The following PIPOX variants were observed in gnomAD, a reference collection of about 807,000 sequenced individuals.
PIPOX encodes the protein peroxisomal sarcosine oxidase.
In PIPOX, 45 loss-of-function variants were observed where a neutral mutation model predicts 47.9. The ratio of observed to expected loss-of-function variants is 0.94; its 90% CI spans 0.74 to 1.20. The LOEUF (loss-of-function observed/expected upper bound fraction) is 1.20, where lower values mean the gene tolerates loss of function less well. PIPOX is among the 50% of genes most tolerant of loss of function. The pLI, the probability that PIPOX is intolerant of heterozygous loss-of-function variation, is 0.00. For missense variants in PIPOX, 458 were observed against 498.4 expected (o/e 0.92, Z 0.77); for synonymous variants, 165 against 191.3 (o/e 0.86, Z 1.13).
chr17:29,053,255 C>G, intron 3 of PIPOX, 122 bp downstream of exon 3: 1 of 1,234,040 alleles, frequency 8.1e-7, no homozygotes, highest in Non-Finnish European at 1.2e-6. Context: ...TTAGTCTTGA[C>G]TTTTCCAGCA....
At position 29,056,490 on chromosome 17, in the gene PIPOX, C is replaced by T; in HGVS notation, c.*185C>T. 1 of 656,268 alleles carries T rather than the reference C, an allele frequency of 1.5e-6. No homozygotes were observed. The highest frequency in any genetic ancestry group is 2.6e-6 in the Non-Finnish European group (1 of 388,368). 40.7% of individuals were successfully genotyped at this position (656,268 alleles called of 1,614,324 possible). A position where few individuals can be genotyped will look rare whatever the true frequency, so the allele number is the denominator to read the frequency against. On this transcript the variant is annotated 3_prime_UTR_variant, in exon 8 of 8. Transcript: ENST00000323372. ...CCCGCTCCCTTTTTCTTCTGCCTCACTTGAATCCCCCGTAAACACCAGACG... is the reference window on the plus strand; with the variant it reads ...CCCGCTCCCTTTTTCTTCTGCCTCATTTGAATCCCCCGTAAACACCAGACG...
At chr17:29,046,832 A>C in intron 2 of PIPOX, 2 of 882,632 alleles carry the variant, frequency 2.3e-6, no homozygotes, top group East Asian at 1.2e-4. Flanking sequence ...GTTTGGAACG[A>C]GCTGTTGAAC....
At position 29,043,262 on chromosome 17, in the gene PIPOX, A is replaced by T; in HGVS notation, c.37A>T (p.Ile13Phe). ...GAAAGATCTCTGGGACGCCATTGTG[A>T]TTGGGGCGGGGATCCAGGGCTGCTT... ...AQKDLWDAIV[I>F]GAGIQGCFTA... Residue 13 changes from isoleucine to phenylalanine, a missense_variant, in exon 1 of 8, where the codon ATT becomes TTT. By Grantham distance (21) the Ile-to-Phe change is conservative (BLOSUM62 0). Coordinates refer to ENST00000323372, the MANE Select transcript of PIPOX (RefSeq NM_016518.3). The T allele has an allele frequency of 6.2e-7, 1 of 1,613,456 alleles. No homozygotes were observed. Among genetic ancestry groups the T allele is most frequent in the East Asian group, 2.2e-5 (1 of 44,846 alleles).
At position 29,043,183 on chromosome 17, in the gene PIPOX, C is replaced by T. The variant is rs1296327253; in HGVS notation, c.-43C>T. 2.0e-6 allele frequency: 3 copies of T among 1,483,528 alleles called. No homozygotes were observed. The highest frequency in any genetic ancestry group is 2.8e-6 in the Non-Finnish European group (3 of 1,067,946). 91.9% of individuals were successfully genotyped at this position (1,483,528 alleles called of 1,614,324 possible). A position where few individuals can be genotyped will look rare whatever the true frequency, so the allele number is the denominator to read the frequency against. On this transcript the variant is annotated 5_prime_UTR_variant, in exon 1 of 8. Transcript: ENST00000323372. The stretch of plus-strand genomic sequence containing the variant: ...TTAGCCGGGAGCCTGTCTTTGCTTG[C>T]CTTTGCCTTTGAGGCTCTGTGGCTG...
intron 2 of PIPOX, among the ~76,000 whole-genome samples, chr17:29,047,905 G>A (rs1347251779): frequency 1.3e-5 from 2 of 152,136 alleles, no homozygotes; most frequent in African/African-American, 4.8e-5. Flanking sequence ...TTTAAAGACA[G>A]GGAAATATCA....
chr17:29,053,112 T>A lies in PIPOX; in HGVS notation c.456T>A (p.Tyr152Ter), dbSNP rs1157841091. ...ATTCCGGAGGAGTTATCTATGCATA[T>A]AAGGCCCTCAGAGCCCTGCAGGTAA... The part of the protein sequence containing the change: ...LDNSGGVIYA[Y>*]KALRALQDAI... The change falls in exon 3 of 8, where the codon TAT becomes TAA. Residue 152 changes from tyrosine to a stop codon, truncating the protein, a stop_gained. Coordinates refer to ENST00000323372, the MANE Select transcript of PIPOX (RefSeq NM_016518.3). LOFTEE classifies it high-confidence loss of function. 1 of 1,614,108 alleles carries A rather than the reference T, an allele frequency of 6.2e-7. No individual in the cohort carries two copies. Among genetic ancestry groups the A allele is most frequent in the Admixed American group, 1.7e-5 (1 of 60,024 alleles).
At position 29,052,946 on chromosome 17, in the gene PIPOX, T is replaced by C; in HGVS notation, c.290T>C (p.Met97Thr). The C allele has an allele frequency of 3.7e-6, 6 of 1,614,160 alleles. No individual in the cohort carries two copies. The highest frequency in any genetic ancestry group is 3.4e-6 in the Non-Finnish European group (4 of 1,180,028). Residue 97 changes from methionine to threonine, a missense_variant, in exon 3 of 8, where the codon ATG becomes ACG. By Grantham distance (81) the Met-to-Thr change is moderately conservative (BLOSUM62 -1). Transcript: ENST00000323372. ...CAGACTGGATTACTGCTGCTGGGAA[T>C]GAAAGAGAATCAAGAATTAAAGACA... ...HRQTGLLLLG[M>T]KENQELKTIQ...
rs141823270 is a variant in PIPOX, at chr17:29,044,940, C to T, written c.196C>T (p.Arg66Trp). 9.9e-6 allele frequency: 16 copies of T among 1,613,966 alleles called. No individual in the cohort carries two copies. Among genetic ancestry groups the T allele is most frequent in the East Asian group, 2.2e-5 (1 of 44,894 alleles). ...GGCGTACCTGGAAGACTTTTACACC[C>T]GGATGATGCATGAGTGCTATCAGAT... ...RKAYLEDFYTRMMHECYQIWA... is the reference protein window; with the variant it reads ...RKAYLEDFYTWMMHECYQIWA... The change falls in exon 2 of 8, where the codon CGG (arginine) becomes TGG (tryptophan). Residue 66 changes from arginine (R) to tryptophan (W), a missense_variant. Coordinates refer to ENST00000323372, the MANE Select transcript of PIPOX (RefSeq NM_016518.3).
At chr17:29,052,450 G>A (rs1013147812) in intron 2 of PIPOX, among the ~76,000 whole-genome samples, 1 of 152,232 alleles carries the variant, frequency 6.6e-6, no homozygotes, top group Admixed American at 6.5e-5. Context: ...GGATTCTACC[G>A]ACTGAATCTA....
chr17:29,056,906 C>T lies in PIPOX; in HGVS notation c.*601C>T, dbSNP rs150714414. 0.037 allele frequency: 5,603 copies of T among 152,298 alleles called. 118 individuals carry two copies. The highest frequency in any genetic ancestry group is 0.044 in the African/African-American group (1,810 of 41,486). 9.4% of individuals were successfully genotyped at this position (152,298 alleles called of 1,614,324 possible). A position where few individuals can be genotyped will look rare whatever the true frequency, so the allele number is the denominator to read the frequency against. ...ACTGAGGCAAGAGAATCACTTGAAC[C>T]CGGGAGGTGGAGGTGGCAGTGAGCC... On this transcript the variant is annotated 3_prime_UTR_variant, in exon 8 of 8. Transcript: ENST00000323372.
Position 29,054,671 on chromosome 17 carries a change from G to C in PIPOX, c.787G>C (p.Glu263Gln). The change falls in exon 5 of 8, where the codon GAG (glutamate) becomes CAG (glutamine). Residue 263 changes from glutamate to glutamine, a missense_variant. Transcript: ENST00000323372. ...PHHIYGLPTG[E>Q]YPGLMKVSYH... ...CCACATCTACGGACTGCCCACAGGA[G>C]AGTACCCAGGGCTGATGAAGGTGAG... 2 of 1,614,164 alleles carry C rather than the reference G, an allele frequency of 1.2e-6. No homozygotes were observed. Among genetic ancestry groups the C allele is most frequent in the Non-Finnish European group, 1.7e-6 (2 of 1,180,022 alleles).
At position 29,046,808 on chromosome 17, in the gene PIPOX, C is replaced by T. The variant is rs189377638; in HGVS notation, c.263+1801C>T. On this transcript the variant is annotated intron_variant, in intron 2 of 7. Coordinates refer to ENST00000323372, the MANE Select transcript of PIPOX (RefSeq NM_016518.3). ...CTGGCTCTAAATCTCAGCTCTGACA[C>T]GCTCAGCTGTGTGGTTTGGAACGAG... 196 of 953,338 alleles carry T rather than the reference C, an allele frequency of 2.1e-4. No individual in the cohort carries two copies. The African/African-American group carries it at 2.8e-3, about 14-fold the overall frequency. The allele number at this position is 953,338 out of a possible 1,614,324, so 59.1% of individuals were successfully genotyped here. A position where few individuals can be genotyped will look rare whatever the true frequency, so the allele number is the denominator to read the frequency against.
At chr17:29,046,731 A>G in intron 2 of PIPOX, 1 of 985,358 alleles carries the variant, frequency 1.0e-6, no homozygotes, top group Non-Finnish European at 1.2e-6. Context: ...GAAGCGCACA[A>G]TCCTCCTCTT....
chr17:29,049,027 G>A (rs1024753750), intron 2 of PIPOX, among the ~76,000 whole-genome samples: 13 of 152,132 alleles, frequency 8.5e-5, no homozygotes, highest in Non-Finnish European at 1.8e-4. Flanking sequence ...ACCCTGTCCT[G>A]CTACAGTAAC....
In PIPOX at chr17:29,053,549, G is replaced by T; in HGVS notation, c.614G>T (p.Trp205Leu). 1 of 1,611,276 alleles carries T rather than the reference G, an allele frequency of 6.2e-7. No individual in the cohort carries two copies. The highest frequency in any genetic ancestry group is 8.5e-7 in the Non-Finnish European group (1 of 1,177,846). ...AKSLVITAGP[W>L]TNQLLRPLGI... ...AGCTTGGTCATCACAGCAGGTCCTT[G>T]GACCAACCAGCTCCTCCGTCCCCTG... is the stretch of plus-strand genomic sequence containing the variant. Residue 205 changes from tryptophan (W) to leucine (L), a missense_variant, in exon 4 of 8, where the codon TGG becomes TTG. Transcript: ENST00000323372.
intron 2 of PIPOX, among the ~76,000 whole-genome samples, chr17:29,050,877 C>T (rs972445005): frequency 2.7e-4 from 41 of 151,740 alleles, no homozygotes; most frequent in African/African-American, 9.9e-4. Context: ...TGCAGTGGCC[C>T]CTGCCTGTAA....
Position 29,056,325 on chromosome 17 carries a change from C to G in PIPOX, c.*20C>G. The G allele has an allele frequency of 6.2e-7, 1 of 1,614,078 alleles. No homozygotes were observed. ...CTTTGACCTCTGGCCAGAAGCCTCC[C>G]TTCTGTGCACAGGAGCCAGTTTCAC... On this transcript the variant is annotated 3_prime_UTR_variant, in exon 8 of 8. Coordinates refer to ENST00000323372, the MANE Select transcript of PIPOX (RefSeq NM_016518.3).
intron 2 of PIPOX, among the ~76,000 whole-genome samples, chr17:29,051,523 A>C (rs1038859992): frequency 2.0e-5 from 3 of 152,230 alleles, no homozygotes; most frequent in Non-Finnish European, 1.5e-5. Flanking sequence ...GCTGCTGGGC[A>C]GTGCAGCAGC....
intron 2 of PIPOX, among the ~76,000 whole-genome samples, chr17:29,052,476 TCTC>T (rs2065810090): frequency 1.3e-5 from 2 of 152,190 alleles, no homozygotes; most frequent in African/African-American, 4.8e-5. Flanking sequence ...CTTCACCTCT[TCTC>T]TGAACATGAG....
Sources: allele counts gnomAD v4.1 joint callset (sites outside exome capture counted in the v4.1 genomes callset), GRCh38; gene constraint gnomAD v4.1.1; transcripts MANE v1.5; gene names NCBI Gene and HGNC (gene_info 2026-07-23, HGNC 2026-07-21).